Variants in CACNA1E observed in about 807,000 individuals in gnomAD.
CACNA1E encodes the protein voltage-dependent R-type calcium channel subunit alpha-1E.
Under a neutral mutation model 259.2 loss-of-function variants are expected in CACNA1E, and 40 were observed. That is an observed-to-expected ratio of 0.15 (90% CI 0.12 to 0.20). The LOEUF (loss-of-function observed/expected upper bound fraction) is 0.20. CACNA1E is among the 10% of genes least tolerant of loss of function. The pLI is 1.00. For synonymous variants in CACNA1E, 1,104 were observed against 1,138.5 expected, an observed-to-expected ratio of 0.97 and a Z score of 0.61; for missense variants, 1,874 against 3,040.1, an observed-to-expected ratio of 0.62 and a Z score of 9.02.
At chr1:181,594,762 C>T (rs1652991586) in intron 6 of CACNA1E, among the ~76,000 whole-genome samples, 1 of 152,208 alleles carries the variant, frequency 6.6e-6, no homozygotes, top group South Asian at 2.1e-4. Flanking sequence ...CACGTGACCT[C>T]AGTGAGACTC....
chr1:181,523,118 T>G (rs1046152443), intron 3 of CACNA1E, among the ~76,000 whole-genome samples: 1 of 148,906 alleles, frequency 6.7e-6, no homozygotes, highest in Non-Finnish European at 1.5e-5. Context: ...TATTAGACTC[T>G]GACCTCCAGT....
At chr1:181,637,362 C>A (rs2101978288) in intron 6 of CACNA1E, among the ~76,000 whole-genome samples, 1 of 152,150 alleles carries the variant, frequency 6.6e-6, no homozygotes, top group South Asian at 2.1e-4. Flanking sequence ...AAACACAAAA[C>A]CCTAGGCACT....
chr1:181,563,962 A>G (rs746372973), intron 3 of CACNA1E, among the ~76,000 whole-genome samples: 1 of 152,224 alleles, frequency 6.6e-6, no homozygotes, highest in Non-Finnish European at 1.5e-5. Context: ...TGTGAAAAAC[A>G]ATGTACATCT....
chr1:181,550,204 G>A (rs1289305736), intron 3 of CACNA1E, among the ~76,000 whole-genome samples: 1 of 152,176 alleles, frequency 6.6e-6, no homozygotes, highest in African/African-American at 2.4e-5. Context: ...CTTGGGGGAT[G>A]AGAGGGAAGA....
intron 2 of CACNA1E, among the ~76,000 whole-genome samples, chr1:181,440,565 A>G (rs376499462): frequency 1.6e-3 from 249 of 152,224 alleles, no homozygotes; most frequent in African/African-American, 5.8e-3. Flanking sequence ...AGAGGCAGAA[A>G]GGGTTGATGT....
At chr1:181,747,934 CT>C (rs1657243183) in intron 25 of CACNA1E, among the ~76,000 whole-genome samples, 1 of 152,154 alleles carries the variant, frequency 6.6e-6, no homozygotes, top group African/African-American at 2.4e-5. Context: ...TGAGGCGTTT[CT>C]TGACTCCAGG....
intron 2 of CACNA1E, among the ~76,000 whole-genome samples, chr1:181,414,174 G>C (rs768582317): frequency 7.9e-5 from 12 of 152,186 alleles, no homozygotes; most frequent in Non-Finnish European, 1.5e-4. Flanking sequence ...ATTAAAGGAA[G>C]ATGGGATTTC....
chr1:181,763,383 T>C (rs2102722899), intron 33 of CACNA1E, 23 bp from the exon 34 acceptor site: 1 of 1,554,684 alleles, frequency 6.4e-7, no homozygotes, highest in Non-Finnish European at 8.8e-7. Context: ...TTCCTAATTA[T>C]ATGTTTCCTT....
At chr1:181,680,817 A>G (rs1649886733) in intron 7 of CACNA1E, among the ~76,000 whole-genome samples, 1 of 151,912 alleles carries the variant, frequency 6.6e-6, no homozygotes, top group Non-Finnish European at 1.5e-5. Flanking sequence ...CTCATTTCTC[A>G]CTTCCTATGT....
intron 1 of CACNA1E, among the ~76,000 whole-genome samples, chr1:181,368,918 T>C (rs767412075): frequency 6.6e-6 from 1 of 152,194 alleles, no homozygotes; most frequent in Non-Finnish European, 1.5e-5. Context: ...TCCCTACATA[T>C]TCTTCAGTAG....
Position 181,738,443 on chromosome 1 carries a change from A to G in CACNA1E, c.3612+17A>G. On this transcript the variant is annotated intron_variant, in intron 24 of 47. Coordinates refer to ENST00000367573, the MANE Select transcript of CACNA1E (RefSeq NM_001205293.3). ...GTTATAAAGGTAAAAACTTCTAGAGAAAACCTGGGCTCTTGGGTTTAGATG... is the reference window on the plus strand; with the variant it reads ...GTTATAAAGGTAAAAACTTCTAGAGGAAACCTGGGCTCTTGGGTTTAGATG... The G allele has an allele frequency of 6.2e-7, 1 of 1,609,346 alleles. No individual in the cohort carries two copies. The highest frequency in any genetic ancestry group is 8.5e-7 in the Non-Finnish European group (1 of 1,175,676).
intron 20 of CACNA1E, 42 bp downstream of exon 20, chr1:181,733,076 T>C: frequency 6.6e-7 from 1 of 1,509,888 alleles, no homozygotes; most frequent in Non-Finnish European, 8.8e-7. Context: ...GCACACAGGC[T>C]GCTGTTAGGT....
intron 6 of CACNA1E, among the ~76,000 whole-genome samples, chr1:181,649,577 A>G (rs1352660330): frequency 6.6e-6 from 1 of 152,248 alleles, no homozygotes; most frequent in Non-Finnish European, 1.5e-5. Context: ...AGCACTATTC[A>G]TGATAGCAAA....
At chr1:181,653,540 C>T (rs962440885) in intron 7 of CACNA1E, among the ~76,000 whole-genome samples, 4 of 152,132 alleles carry the variant, frequency 2.6e-5, no homozygotes, top group Non-Finnish European at 4.4e-5. Flanking sequence ...ATTAGCAGCA[C>T]GAAAATGGAC....
intron 2 of CACNA1E, among the ~76,000 whole-genome samples, chr1:181,441,767 G>T (rs954702627): frequency 6.6e-6 from 1 of 152,176 alleles, no homozygotes; most frequent in African/African-American, 2.4e-5. Flanking sequence ...GCGGGCAGCT[G>T]TAAGTGTGTT....
intron 2 of CACNA1E, among the ~76,000 whole-genome samples, chr1:181,454,542 A>G (rs1030145346): frequency 3.3e-5 from 5 of 152,184 alleles, no homozygotes. Context: ...TTGCTACCCA[A>G]GTAGGTGGTG....
At chr1:181,462,179 G>A (rs1203862306) in intron 2 of CACNA1E, among the ~76,000 whole-genome samples, 2 of 152,168 alleles carry the variant, frequency 1.3e-5, no homozygotes, top group African/African-American at 4.8e-5. Flanking sequence ...CAAAAAGATT[G>A]TAGTTTTTAA....
At chr1:181,725,631 G>A (rs921869626) in intron 17 of CACNA1E, among the ~76,000 whole-genome samples, 3 of 152,230 alleles carry the variant, frequency 2.0e-5, no homozygotes, top group African/African-American at 7.2e-5. Flanking sequence ...CTACAATGGG[G>A]CACTCAGCCT....
At chr1:181,602,869 C>A (rs1465464844) in intron 6 of CACNA1E, among the ~76,000 whole-genome samples, 2 of 152,164 alleles carry the variant, frequency 1.3e-5, no homozygotes, top group African/African-American at 4.8e-5. Context: ...TTAATAAAAA[C>A]AACCATTCAT....
Sources: gnomAD v4.1 joint callset for allele counts (sites outside exome capture counted in the v4.1 genomes callset) on GRCh38, gnomAD v4.1.1 for gene constraint, MANE v1.5 for transcripts, NCBI Gene and HGNC (gene_info 2026-07-23, HGNC 2026-07-21) for gene names.